The following CSMD1 variants were observed in gnomAD, a reference collection of about 807,000 sequenced individuals.
The protein encoded by CSMD1 is CUB and sushi domain-containing protein 1.
A neutral mutation model predicts 417.5 loss-of-function variants in CSMD1; 213 were observed. The observed-to-expected ratio is 0.51, with a 90% CI of 0.46 to 0.57. The LOEUF is 0.57. CSMD1 is among the 20% of genes least tolerant of loss of function. The pLI is 0.00. For missense variants in CSMD1, 6,923 were observed against 4,529.7 expected, an observed-to-expected ratio of 1.53 and a Z score of -15.17; for synonymous variants, 2,862 against 1,736.8, an observed-to-expected ratio of 1.65 and a Z score of -16.11.
chr8:4,883,289 G>C (rs2116966035), intron 1 of CSMD1, among the ~76,000 whole-genome samples: 1 of 151,982 alleles, frequency 6.6e-6, no homozygotes, highest in Middle Eastern at 3.4e-3. Flanking sequence ...GATAAATAGA[G>C]TTACAGATAA....
At chr8:3,604,526 G>A (rs1038573896) in intron 8 of CSMD1, among the ~76,000 whole-genome samples, 2 of 152,078 alleles carry the variant, frequency 1.3e-5, no homozygotes, top group African/African-American at 2.4e-5. Flanking sequence ...TACCACATAG[G>A]ATACCAACCG....
At chr8:3,867,738 A>G (rs577427776) in intron 5 of CSMD1, among the ~76,000 whole-genome samples, 5 of 152,246 alleles carry the variant, frequency 3.3e-5, no homozygotes, top group Non-Finnish European at 7.4e-5. Flanking sequence ...GCTTATGCAA[A>G]CACTGGCACA....
intron 41 of CSMD1, chr8:3,128,583 C>T: frequency 3.5e-6 from 1 of 288,256 alleles, no homozygotes; most frequent in South Asian, 3.3e-5. Flanking sequence ...ATTTGACTTA[C>T]ATATCAGAGT....
At chr8:3,717,857 A>T (rs945515885) in intron 6 of CSMD1, among the ~76,000 whole-genome samples, 2 of 152,150 alleles carry the variant, frequency 1.3e-5, no homozygotes, top group African/African-American at 2.4e-5. Context: ...ACAATTGTAC[A>T]TTACACCAAT....
At chr8:4,440,374 G>T (rs959088871) in intron 2 of CSMD1, among the ~76,000 whole-genome samples, 3 of 152,106 alleles carry the variant, frequency 2.0e-5, no homozygotes, top group Admixed American at 6.6e-5. Context: ...ATTATACAAT[G>T]AATAAGGAGT....
chr8:3,753,532 A>C (rs1797474799), intron 6 of CSMD1, among the ~76,000 whole-genome samples: 1 of 152,254 alleles, frequency 6.6e-6, no homozygotes, highest in African/African-American at 2.4e-5. Context: ...TTTTAGGATT[A>C]AAAGTGATAT....
intron 10 of CSMD1, among the ~76,000 whole-genome samples, chr8:3,555,918 C>G (rs979332548): frequency 1.7e-4 from 26 of 152,122 alleles, no homozygotes; most frequent in African/African-American, 2.4e-5. Context: ...GATATTAAAA[C>G]AGCTCCCAGA....
At chr8:4,366,592 TG>T (rs1335604351) in intron 3 of CSMD1, among the ~76,000 whole-genome samples, 4 of 152,180 alleles carry the variant, frequency 2.6e-5, no homozygotes, top group African/African-American at 4.8e-5. Context: ...CAGCATCTGT[TG>T]TTTTTTTTGC....
At chr8:4,771,195 G>A (rs1036794918) in intron 1 of CSMD1, among the ~76,000 whole-genome samples, 5 of 152,134 alleles carry the variant, frequency 3.3e-5, no homozygotes, top group African/African-American at 7.2e-5. Flanking sequence ...AATGGAGGCC[G>A]CTTTGCCTAA....
chr8:3,830,888 C>T (rs373548370), intron 5 of CSMD1, among the ~76,000 whole-genome samples: 11 of 152,222 alleles, frequency 7.2e-5, no homozygotes, highest in East Asian at 3.9e-4. Flanking sequence ...AGGTTCACTA[C>T]GTTAATAAAA....
chr8:4,455,078 T>C (rs1799386624), intron 2 of CSMD1, among the ~76,000 whole-genome samples: 1 of 152,134 alleles, frequency 6.6e-6, no homozygotes, highest in Non-Finnish European at 1.5e-5. Flanking sequence ...CTTCGTGCTA[T>C]ACAGGAATTT....
chr8:4,447,270 A>G (rs1184289690), intron 2 of CSMD1, among the ~76,000 whole-genome samples: 2 of 152,226 alleles, frequency 1.3e-5, no homozygotes, highest in Admixed American at 1.3e-4. Context: ...AGATACAACT[A>G]AAGCAAATCA....
rs1043070197 is a variant in CSMD1 at position 2,962,604 on chromosome 8, C to T, written c.9490G>A (p.Gly3164Arg). 1.2e-6 allele frequency: 2 copies of T among 1,613,724 alleles called. No individual in the cohort carries two copies. The highest frequency in any genetic ancestry group is 2.7e-5 in the African/African-American group (2 of 74,914). Residue 3164 changes from glycine (G) to arginine (R), a missense_variant, in exon 61 of 70, where the codon GGG (glycine) becomes AGG (arginine). Gly to Arg is a moderately radical substitution (Grantham distance 125, BLOSUM62 -2). Transcript: ENST00000635120. The part of the protein sequence containing the change: ...FCGDPGIPAE[G>R]RLSGKSFTYK... ...GTGAAACTTTTCCCACTAAGTCGCC[C>T]TTCTGCGGGGATGCCAGGGTCTCCG... is the stretch of plus-strand genomic sequence containing the variant.
intron 6 of CSMD1, among the ~76,000 whole-genome samples, chr8:3,749,154 A>G (rs560340656): frequency 6.6e-6 from 1 of 152,294 alleles, no homozygotes; most frequent in South Asian, 2.1e-4. Context: ...TAGATGATGG[A>G]TTGTGCTTAC....
chr8:3,755,473 G>C (rs1051108107), intron 5 of CSMD1, among the ~76,000 whole-genome samples: 1 of 151,958 alleles, frequency 6.6e-6, no homozygotes, highest in African/African-American at 2.4e-5. Flanking sequence ...TAGATAATCT[G>C]TAAGGGTTTA....
chr8:3,382,075 T>A (rs901571660), intron 18 of CSMD1, among the ~76,000 whole-genome samples: 5 of 152,010 alleles, frequency 3.3e-5, no homozygotes, highest in African/African-American at 1.2e-4. Context: ...CTGGCCAACA[T>A]GGCAAAACCC....
chr8:4,223,620 A>C (rs17406140), intron 3 of CSMD1, among the ~76,000 whole-genome samples: 9,097 of 152,330 alleles, frequency 0.06, 382 homozygotes, highest in Non-Finnish European at 0.091. Flanking sequence ...GGGAAAGAAT[A>C]GATTAGCAGC....
chr8:4,887,578 C>G lies in CSMD1; in HGVS notation c.85+106754G>C, dbSNP rs539861062. On this transcript the variant is annotated intron_variant, in intron 1 of 69. Transcript: ENST00000635120. ...GAAAGTGGGATATTGAAGTCACCAA[C>G]CATTATTTTAATCTATTTCTGCTTT... 1.5e-4 allele frequency among the ~76,000 whole-genome samples: 23 copies of G among 152,032 alleles called. No individual in the cohort carries two copies. In the South Asian group the frequency reaches 4.8e-3, roughly 32 times the overall value.
chr8:3,342,408 G>C (rs1464055242), intron 23 of CSMD1, among the ~76,000 whole-genome samples: 1 of 152,236 alleles, frequency 6.6e-6, no homozygotes, highest in East Asian at 1.9e-4. Flanking sequence ...TAATGTCATG[G>C]TGTTCAGTAT....
Sources: gnomAD v4.1 joint callset for allele counts (sites outside exome capture counted in the v4.1 genomes callset) on GRCh38, gnomAD v4.1.1 for gene constraint, MANE v1.5 for transcripts, NCBI Gene and HGNC (gene_info 2026-07-23, HGNC 2026-07-21) for gene names.